The following LRRC4C variants were observed in gnomAD, a reference collection of about 807,000 sequenced individuals.
The protein encoded by LRRC4C is leucine rich repeat containing 4C, also known as leucine-rich repeat-containing protein 4C.
LRRC4C carries 5 observed loss-of-function variants against 33.6 expected under a neutral mutation model. That is an observed-to-expected ratio of 0.15 (90% confidence interval 0.08 to 0.31). The LOEUF (loss-of-function observed/expected upper bound fraction) is 0.31. LRRC4C is among the 10% of genes least tolerant of loss of function. LRRC4C has a pLI of 1.00. For synonymous variants in LRRC4C, 329 were observed against 302.0 expected, an observed-to-expected ratio of 1.09 and a Z score of -0.93; for missense variants, 560 against 796.7, an observed-to-expected ratio of 0.70 and a Z score of 3.58.
intron 3 of LRRC4C, among the ~76,000 whole-genome samples, chr11:40,397,708 G>A (rs149429708): frequency 9.2e-5 from 14 of 152,126 alleles, no homozygotes; most frequent in African/African-American, 3.4e-4. Flanking sequence ...ATGTTCAAAT[G>A]ACACCTGCTA....
At chr11:40,610,468 G>A (rs1961098180) in intron 3 of LRRC4C, among the ~76,000 whole-genome samples, 1 of 151,588 alleles carries the variant, frequency 6.6e-6, no homozygotes, top group Admixed American at 6.6e-5. Flanking sequence ...TACAAACAAG[G>A]CAAGTATGCC....
chr11:40,313,679 C>A (rs1005129911), intron 4 of LRRC4C, among the ~76,000 whole-genome samples: 1 of 145,608 alleles, frequency 6.9e-6, no homozygotes, highest in Non-Finnish European at 1.5e-5. Context: ...GCAATCTCGG[C>A]TCACTGCAAG....
intron 1 of LRRC4C, among the ~76,000 whole-genome samples, chr11:41,336,215 A>T (rs1366813554): frequency 1.3e-5 from 2 of 152,112 alleles, no homozygotes; most frequent in African/African-American, 4.8e-5. Context: ...ACCCTAAAAG[A>T]TGATTCACTA....
intron 1 of LRRC4C, among the ~76,000 whole-genome samples, chr11:41,071,181 C>T (rs1428384724): frequency 1.3e-5 from 2 of 152,164 alleles, no homozygotes; most frequent in South Asian, 4.2e-4. Flanking sequence ...TGTTCTCACT[C>T]ATGTTAGAGT....
At chr11:41,345,337 T>A (rs905786129) in intron 1 of LRRC4C, among the ~76,000 whole-genome samples, 2 of 152,204 alleles carry the variant, frequency 1.3e-5, no homozygotes, top group African/African-American at 2.4e-5. Context: ...TTAATTATCT[T>A]TGTCGATATG....
At chr11:40,275,114 G>T (rs1943004906) in intron 4 of LRRC4C, among the ~76,000 whole-genome samples, 1 of 152,070 alleles carries the variant, frequency 6.6e-6, no homozygotes. Context: ...CCTTTAACAA[G>T]AGGATATTTT....
Position 41,107,380 on chromosome 11 carries a change from G to A in LRRC4C, c.-495-173657C>T, listed in dbSNP as rs1288426824. Among the ~76,000 whole-genome samples the A allele has an allele frequency of 3.3e-5, 5 of 151,850 alleles. No homozygotes were observed. The East Asian group carries it at 5.8e-4, about 18-fold the overall frequency. On this transcript the variant is annotated intron_variant, in intron 1 of 6. Coordinates refer to ENST00000528697, the MANE Select transcript of LRRC4C (RefSeq NM_001258419.2). ...TGTATTAGAGATACATGTAGATATC[G>A]ATCTAAAACATGATAAAACATGTAG...
At chr11:41,103,587 A>G (rs1181522021) in intron 1 of LRRC4C, among the ~76,000 whole-genome samples, 8 of 151,956 alleles carry the variant, frequency 5.3e-5, no homozygotes, top group African/African-American at 2.4e-5. Flanking sequence ...AGAGGTTTAT[A>G]GTCTGGGAAA....
At chr11:40,440,552 T>C (rs79963485) in intron 3 of LRRC4C, among the ~76,000 whole-genome samples, 166 of 152,268 alleles carry the variant, frequency 1.1e-3, no homozygotes, top group African/African-American at 3.8e-3. Context: ...GAAAACTAAG[T>C]TGAAAGGCAG....
chr11:41,044,983 T>C (rs914089045), intron 1 of LRRC4C, among the ~76,000 whole-genome samples: 3 of 152,104 alleles, frequency 2.0e-5, no homozygotes, highest in African/African-American at 7.2e-5. Context: ...GCCCTTTTTG[T>C]AGTTCATTAA....
chr11:41,265,125 G>A (rs1949106324), intron 1 of LRRC4C, among the ~76,000 whole-genome samples: 1 of 152,128 alleles, frequency 6.6e-6, no homozygotes, highest in African/African-American at 2.4e-5. Flanking sequence ...GTCAATATGT[G>A]ACTAAACACC....
At chr11:41,107,699 A>T (rs1941587432) in intron 1 of LRRC4C, among the ~76,000 whole-genome samples, 1 of 152,150 alleles carries the variant, frequency 6.6e-6, no homozygotes, top group South Asian at 2.1e-4. Flanking sequence ...GCACTTTGAT[A>T]GGCCGAAGCA....
At chr11:40,576,873 C>T (rs900704252) in intron 3 of LRRC4C, among the ~76,000 whole-genome samples, 6 of 152,196 alleles carry the variant, frequency 3.9e-5, no homozygotes, top group African/African-American at 7.2e-5. Context: ...ACATAGTATG[C>T]GCTCATTAAA....
intron 1 of LRRC4C, among the ~76,000 whole-genome samples, chr11:41,273,012 T>G (rs1490392823): frequency 1.3e-5 from 2 of 152,196 alleles, no homozygotes; most frequent in African/African-American, 4.8e-5. Context: ...ATGAATCAGT[T>G]ACTGGTTAAG....
At chr11:40,584,352 A>G (rs1421052735) in intron 3 of LRRC4C, among the ~76,000 whole-genome samples, 1 of 151,418 alleles carries the variant, frequency 6.6e-6, no homozygotes, top group African/African-American at 2.4e-5. Flanking sequence ...ACATTACTAA[A>G]TAGTTTTTGG....
At chr11:40,334,189 TATA>T (rs1946493859) in intron 3 of LRRC4C, among the ~76,000 whole-genome samples, 1 of 152,184 alleles carries the variant, frequency 6.6e-6, no homozygotes, top group East Asian at 1.9e-4. Context: ...TAAGGGCACC[TATA>T]ATGTTTTCAA....
At chr11:40,984,288 G>GGAGA (rs371857938) in intron 1 of LRRC4C, among the ~76,000 whole-genome samples, 2 of 130,874 alleles carry the variant, frequency 1.5e-5, no homozygotes, top group Non-Finnish European at 3.2e-5. Flanking sequence ...AGGGAGAGAG[G>GGAGA]GAGAGAGAGA....
intron 2 of LRRC4C, among the ~76,000 whole-genome samples, chr11:40,660,285 G>T (rs1943366691): frequency 6.6e-6 from 1 of 152,162 alleles, no homozygotes; most frequent in Admixed American, 6.5e-5. Context: ...CACCTGGATT[G>T]CCCTCAGCAG....
At chr11:41,141,676 G>A (rs1243093175) in intron 1 of LRRC4C, among the ~76,000 whole-genome samples, 4 of 152,026 alleles carry the variant, frequency 2.6e-5, no homozygotes, top group Admixed American at 6.6e-5. Flanking sequence ...TCCCCTGCTG[G>A]CATTCATTCT....
Sources: allele counts gnomAD v4.1 joint callset (sites outside exome capture counted in the v4.1 genomes callset), GRCh38; gene constraint gnomAD v4.1.1; transcripts MANE v1.5; gene names NCBI Gene and HGNC (gene_info 2026-07-23, HGNC 2026-07-21).